BICDL1: variants seen among roughly 807,000 people sequenced by gnomAD.
BICDL1 encodes BICD family-like cargo adapter 1.
In BICDL1, 20 loss-of-function variants were observed where a neutral mutation model predicts 76.8. That is an observed-to-expected ratio of 0.26 (90% confidence interval 0.18 to 0.38). BICDL1 has a LOEUF of 0.38. BICDL1 is among the 10% of genes least tolerant of loss of function. BICDL1 has a pLI of 1.00. For missense variants in BICDL1, 700 were observed against 798.6 expected (o/e 0.88, Z 1.49); for synonymous variants, 383 against 337.1 (o/e 1.14, Z -1.49).
intron 2 of BICDL1, among the ~76,000 whole-genome samples, chr12:120,043,318 G>A (rs1952681040): frequency 6.6e-6 from 1 of 152,150 alleles, no homozygotes; most frequent in African/African-American, 2.4e-5. Context: ...CTATTCCCAA[G>A]TACACATATT....
At chr12:120,091,044 C>T (rs1455435335) in intron 9 of BICDL1, 22 of 1,288,788 alleles carry the variant, frequency 1.7e-5, no homozygotes, top group Non-Finnish European at 2.1e-5. Flanking sequence ...TACATCCCAT[C>T]CACCGTCTCG....
chr12:120,025,222 T>C (rs35774258), intron 2 of BICDL1, among the ~76,000 whole-genome samples: 1,649 of 151,948 alleles, frequency 0.011, 14 homozygotes, highest in Middle Eastern at 0.045. Context: ...GGCTAATTTT[T>C]TGTATTTTTA....
intron 2 of BICDL1, among the ~76,000 whole-genome samples, chr12:120,040,396 TTTTCTTTTC>T (rs1357746725): frequency 3.3e-5 from 5 of 151,866 alleles, no homozygotes; most frequent in East Asian, 1.9e-4. Context: ...CCAGCCTTCT[TTTTCTTTTC>T]TTTCTTTTCT....
intron 8 of BICDL1, among the ~76,000 whole-genome samples, chr12:120,087,855 G>GAGTT (rs1212212775): frequency 6.6e-6 from 1 of 152,212 alleles, no homozygotes; most frequent in Non-Finnish European, 1.5e-5. Context: ...AATGTCGGAG[G>GAGTT]AGTTACCCAT....
chr12:120,050,335 C>T (rs555349267), intron 2 of BICDL1, among the ~76,000 whole-genome samples: 58 of 146,136 alleles, frequency 4.0e-4, no homozygotes, highest in Admixed American at 6.1e-4. Flanking sequence ...GGCGTGATCT[C>T]GGCTCACTGC....
intron 2 of BICDL1, among the ~76,000 whole-genome samples, chr12:120,025,526 C>A (rs1270294201): frequency 6.6e-6 from 1 of 152,148 alleles, no homozygotes; most frequent in Non-Finnish European, 1.5e-5. Context: ...GCTCGCTCAA[C>A]CTGTCCTGCG....
intron 2 of BICDL1, among the ~76,000 whole-genome samples, chr12:120,032,322 A>G (rs1952439731): frequency 1.3e-5 from 2 of 152,164 alleles, no homozygotes; most frequent in African/African-American, 4.8e-5. Context: ...TTAAAGGGAG[A>G]TTTTTAAAAA....
At chr12:120,054,358 A>G (rs946273385) in intron 2 of BICDL1, among the ~76,000 whole-genome samples, 8 of 152,088 alleles carry the variant, frequency 5.3e-5, no homozygotes, top group African/African-American at 1.9e-4. Flanking sequence ...GATTACAGGC[A>G]TGAGCCACCT....
chr12:120,052,263 TTCTC>T (rs564491804), intron 2 of BICDL1, among the ~76,000 whole-genome samples: 4 of 94,268 alleles, frequency 4.2e-5, no homozygotes, highest in African/African-American at 1.6e-4. Context: ...TCCCCTCCCC[TTCTC>T]TCTCTCTCTC....
At chr12:120,074,822 C>G (rs2138958958) in intron 7 of BICDL1, among the ~76,000 whole-genome samples, 1 of 152,348 alleles carries the variant, frequency 6.6e-6, no homozygotes, top group South Asian at 2.1e-4. Context: ...TCCATTTCCT[C>G]CAGTGACACT....
intron 2 of BICDL1, among the ~76,000 whole-genome samples, chr12:120,008,946 G>GT (rs557926360): frequency 0.029 from 3,780 of 131,592 alleles, 95 homozygotes; most frequent in African/African-American, 0.066. Flanking sequence ...GCATAGAGGT[G>GT]TTTTTTTTTT....
chr12:120,024,535 TA>T (rs1171718422), intron 2 of BICDL1, among the ~76,000 whole-genome samples: 1 of 152,146 alleles, frequency 6.6e-6, no homozygotes, highest in Non-Finnish European at 1.5e-5. Context: ...AAGATAAGTA[TA>T]AACCCACAGA....
intron 8 of BICDL1, among the ~76,000 whole-genome samples, chr12:120,085,799 C>CAAA (rs35399078): frequency 0.027 from 1,913 of 69,632 alleles, 92 homozygotes; most frequent in African/African-American, 0.097. Flanking sequence ...GATCCTGCCT[C>CAAA]AAAAAAAAAA....
intron 2 of BICDL1, among the ~76,000 whole-genome samples, chr12:120,055,934 C>T (rs147356197): frequency 1.4e-4 from 21 of 152,194 alleles, no homozygotes; most frequent in Middle Eastern, 3.4e-3. Flanking sequence ...TGGAAAATTA[C>T]CCACAAGCAC....
chr12:120,040,751 C>CTTTTTTTTTTTTTTT (rs57089775), intron 2 of BICDL1, among the ~76,000 whole-genome samples: 1 of 134,312 alleles, frequency 7.4e-6, no homozygotes, highest in African/African-American at 3.1e-5. Context: ...ATAGGAAATA[C>CTTTTTTTTTTTTTTT]TTTTTTTTTT....
At chr12:120,085,426 G>C (rs1427804630) in intron 8 of BICDL1, among the ~76,000 whole-genome samples, 1 of 152,184 alleles carries the variant, frequency 6.6e-6, no homozygotes, top group African/African-American at 2.4e-5. Flanking sequence ...CAGTGTGATA[G>C]AGGAGGCAGC....
intron 2 of BICDL1, among the ~76,000 whole-genome samples, chr12:120,025,053 T>C (rs554057539): frequency 7.9e-4 from 117 of 148,680 alleles, no homozygotes; most frequent in Middle Eastern, 3.5e-3. Flanking sequence ...TTCTTTCTTT[T>C]TTTTTTTTTT....
chr12:120,077,348 C>T (rs1328362691), intron 7 of BICDL1, among the ~76,000 whole-genome samples: 2 of 152,216 alleles, frequency 1.3e-5, no homozygotes, highest in Non-Finnish European at 2.9e-5. Context: ...ACCCCACTCC[C>T]ATCAGTGGCA....
At chr12:120,039,633 GTC>G (rs1400465157) in intron 2 of BICDL1, among the ~76,000 whole-genome samples, 15 of 89,430 alleles carry the variant, frequency 1.7e-4, no homozygotes, top group African/African-American at 7.5e-4. Context: ...GTGAGACTCC[GTC>G]TCAAAAAAAA....
Sources: allele counts gnomAD v4.1 joint callset (sites outside exome capture counted in the v4.1 genomes callset), GRCh38; gene constraint gnomAD v4.1.1; transcripts MANE v1.5; gene names NCBI Gene and HGNC (gene_info 2026-07-23, HGNC 2026-07-21).